The following TPX2 variants were observed in gnomAD, a reference collection of about 807,000 sequenced individuals.
TPX2 encodes TPX2 microtubule nucleation factor, also known as targeting protein for Xklp2.
In TPX2, 21 loss-of-function variants were observed where a neutral mutation model predicts 93.6. The ratio of observed to expected loss-of-function variants is 0.22; its 90% CI spans 0.16 to 0.32. The LOEUF is 0.32. Among genes scored for constraint, TPX2 ranks in the 10% least tolerant of loss-of-function variants. TPX2 has a pLI of 1.00. For missense variants in TPX2, 776 were observed against 871.1 expected (o/e 0.89, Z 1.37); for synonymous variants, 281 against 298.3 (o/e 0.94, Z 0.60).
At chr20:31,754,957 T>A (rs541523769) in intron 2 of TPX2, among the ~76,000 whole-genome samples, 1 of 152,296 alleles carries the variant, frequency 6.6e-6, no homozygotes, top group Admixed American at 6.5e-5. Flanking sequence ...TATTTATTTA[T>A]TTATTTTTGA....
Position 31,776,024 on chromosome 20 carries a change from G to T in TPX2, c.730+36G>T, listed in dbSNP as rs753147557. The stretch of plus-strand genomic sequence containing the variant: ...CTGTGGTTGAGTCTGATTCATGAGG[G>T]GTGGTTCTTAACACTCTTGGTAGGT... On this transcript the variant is annotated intron_variant, in intron 8 of 17. Coordinates refer to ENST00000300403, the MANE Select transcript of TPX2 (RefSeq NM_012112.5). The T allele has an allele frequency of 1.0e-5, 14 of 1,340,322 alleles. No homozygotes were observed. The South Asian group carries it at 1.1e-4, about 11-fold the overall frequency. 83.0% of individuals were successfully genotyped at this position (1,340,322 alleles called of 1,614,324 possible).
At chr20:31,748,068 T>G (rs2061795231) in intron 2 of TPX2, among the ~76,000 whole-genome samples, 2 of 152,212 alleles carry the variant, frequency 1.3e-5, no homozygotes, top group African/African-American at 4.8e-5. Flanking sequence ...AGAGTCAGAC[T>G]TCTCAATGGA....
chr20:31,748,803 A>G (rs552083488), intron 2 of TPX2, among the ~76,000 whole-genome samples: 24 of 152,298 alleles, frequency 1.6e-4, no homozygotes, highest in Admixed American at 1.2e-3. Flanking sequence ...AAAGACATCT[A>G]TCTATTGTCT....
intron 13 of TPX2, among the ~76,000 whole-genome samples, chr20:31,793,112 A>G (rs1043776549): frequency 3.9e-5 from 6 of 152,218 alleles, no homozygotes; most frequent in African/African-American, 1.4e-4. Context: ...ATTGAAAATC[A>G]GCTGCTCTTT....
rs747036382 is a variant in TPX2 at position 31,757,567 on chromosome 20, A to G, written c.91A>G (p.Ile31Val). The G allele has an allele frequency of 2.5e-6, 4 of 1,613,926 alleles. No homozygotes were observed. Among genetic ancestry groups the G allele is most frequent in the South Asian group, 1.1e-5 (1 of 91,072 alleles). ...GGATGATGAAGGAGATACTCAAAACATAGATTCATGGTTTGGTAAGTGCCT... is the reference window on the plus strand; with the variant it reads ...GGATGATGAAGGAGATACTCAAAACGTAGATTCATGGTTTGGTAAGTGCCT... ...SLDDEGDTQN[I>V]DSWFEEKANL... Residue 31 changes from isoleucine (I) to valine (V), a missense_variant, in exon 3 of 18, where the codon ATA becomes GTA. Physicochemically the swap from Ile to Val is conservative, Grantham distance 29. Coordinates refer to ENST00000300403, the MANE Select transcript of TPX2 (RefSeq NM_012112.5).
At chr20:31,758,931 T>C (rs764195593) in intron 3 of TPX2, among the ~76,000 whole-genome samples, 1 of 152,210 alleles carries the variant, frequency 6.6e-6, no homozygotes, top group Non-Finnish European at 1.5e-5. Flanking sequence ...CTAAGAATAC[T>C]GTTAAATACA....
At chr20:31,744,680 A>C (rs1426019324) in intron 2 of TPX2, among the ~76,000 whole-genome samples, 1 of 152,106 alleles carries the variant, frequency 6.6e-6, no homozygotes, top group African/African-American at 2.4e-5. Flanking sequence ...CTACAGGTGC[A>C]TGCCACTGTA....
At chr20:31,743,767 C>T (rs1449811867) in intron 2 of TPX2, among the ~76,000 whole-genome samples, 1 of 147,328 alleles carries the variant, frequency 6.8e-6, no homozygotes. Flanking sequence ...GCTCTTGTTG[C>T]CCAGGCTGGA....
Position 31,782,358 on chromosome 20 carries a change from G to A in TPX2, c.1164G>A (p.Glu388=). Residue 388 remains glutamate, a synonymous_variant, in exon 11 of 18, where the codon GAG becomes GAA. Transcript: ENST00000300403. ...CTGTGACCTGCAAAAGTACAGCAGA[G>A]CTGGAGGCTGAGGAGCTCGAGAAAT... The part of the protein sequence containing the change: ...ARAVTCKSTA[E]LEAEELEKLQ... 8 of 1,612,918 alleles carry A rather than the reference G, an allele frequency of 5.0e-6. No individual in the cohort carries two copies. The highest frequency in any genetic ancestry group is 5.1e-6 in the Non-Finnish European group (6 of 1,179,502).
intron 2 of TPX2, among the ~76,000 whole-genome samples, chr20:31,747,868 T>C (rs2061794089): frequency 6.6e-6 from 1 of 151,034 alleles, no homozygotes; most frequent in Non-Finnish European, 1.5e-5. Context: ...CCTGGGGCTC[T>C]CTCATTTAAA....
intron 2 of TPX2, among the ~76,000 whole-genome samples, chr20:31,743,192 A>G (rs1350209623): frequency 6.6e-6 from 1 of 152,076 alleles, no homozygotes; most frequent in Non-Finnish European, 1.5e-5. Flanking sequence ...TCCAGCCAGC[A>G]AGACTCTGTC....
chr20:31,782,360 TG>T lies in TPX2; in HGVS notation c.1168del (p.Glu390ArgfsTer35). Reference sequence around the variant, plus strand: ...GTGACCTGCAAAAGTACAGCAGAGCTGGAGGCTGAGGAGCTCGAGAAATTGC... The same window carrying T: ...GTGACCTGCAAAAGTACAGCAGAGCTGAGGCTGAGGAGCTCGAGAAATTGC... ...RAVTCKSTAE[L>X]EAEELEKLQQ... is the part of the protein sequence containing the mutation. On this transcript the variant is annotated frameshift_variant, in exon 11 of 18. Coordinates refer to ENST00000300403, the MANE Select transcript of TPX2 (RefSeq NM_012112.5). LOFTEE classifies it high-confidence loss of function. 1 of 1,612,932 alleles carries T rather than the reference TG, an allele frequency of 6.2e-7. No individual in the cohort carries two copies. The highest frequency in any genetic ancestry group is 8.5e-7 in the Non-Finnish European group (1 of 1,179,536).
At chr20:31,789,412 C>T (rs950200269) in intron 12 of TPX2, among the ~76,000 whole-genome samples, 1 of 151,990 alleles carries the variant, frequency 6.6e-6, no homozygotes, top group Non-Finnish European at 1.5e-5. Context: ...AAGACACGGC[C>T]CTTGTCCTCA....
intron 5 of TPX2, among the ~76,000 whole-genome samples, chr20:31,767,244 A>C (rs2061933385): frequency 6.6e-6 from 1 of 152,248 alleles, no homozygotes; most frequent in East Asian, 1.9e-4. Context: ...TGCTTGCTTA[A>C]GGCAAGTTTA....
At position 31,766,598 on chromosome 20, in the gene TPX2, T is replaced by G; in HGVS notation, c.272T>G (p.Val91Gly). Reference protein sequence around the residue: ...YYKEAEKENLVEQSIPSNACS... With the variant: ...YYKEAEKENLGEQSIPSNACS... ...AAAGAGGCAGAAAAAGAAAATCTTG[T>G]GGAACAATCCATTCCGTCAAATGCT... The change falls in exon 5 of 18, where the codon GTG (valine) becomes GGG (glycine). Residue 91 changes from valine (V) to glycine (G), a missense_variant. Physicochemically the swap from Val to Gly is moderately radical, Grantham distance 109 (BLOSUM62 -3). Around this residue, in one of 3 missense-constraint regions of TPX2, gnomAD observed 279 missense variants for 261.6 expected, o/e 1.07. Transcript: ENST00000300403. 6.2e-7 allele frequency: 1 copy of G among 1,613,734 alleles called. No individual in the cohort carries two copies. Among genetic ancestry groups the G allele is most frequent in the Non-Finnish European group, 8.5e-7 (1 of 1,179,934 alleles).
At chr20:31,795,220 G>A (rs1331389167) in intron 15 of TPX2, among the ~76,000 whole-genome samples, 10 of 152,000 alleles carry the variant, frequency 6.6e-5, no homozygotes, top group Non-Finnish European at 1.2e-4. Context: ...TGCAACCTCC[G>A]TCTCCCAGGT....
intron 7 of TPX2, among the ~76,000 whole-genome samples, chr20:31,775,523 G>A (rs1246690759): frequency 6.6e-6 from 1 of 151,578 alleles, no homozygotes; most frequent in Non-Finnish European, 1.5e-5. Flanking sequence ...TTACAGGTGT[G>A]TGCCATCACA....
At chr20:31,775,725 A>G (rs2061992033) in intron 7 of TPX2, 142 bp from the exon 8 acceptor site, 1 of 775,640 alleles carries the variant, frequency 1.3e-6, no homozygotes, top group African/African-American at 1.8e-5. Flanking sequence ...TTAAGTTAGC[A>G]TCTATTTATT....
chr20:31,764,606 A>AT (rs1307912504), intron 4 of TPX2, among the ~76,000 whole-genome samples: 3 of 152,070 alleles, frequency 2.0e-5, no homozygotes, highest in South Asian at 2.1e-4. Flanking sequence ...TTTAAAGTGC[A>AT]TTTTTTTGTA....
Sources: allele counts gnomAD v4.1 joint callset (sites outside exome capture counted in the v4.1 genomes callset), GRCh38; gene constraint gnomAD v4.1.1; regional missense constraint gnomAD v4.1.1; transcripts MANE v1.5; gene names NCBI Gene and HGNC (gene_info 2026-07-23, HGNC 2026-07-21).